The following G6PD variants were observed in gnomAD, a reference collection of about 807,000 sequenced individuals.
G6PD encodes glucose-6-phosphate dehydrogenase.
In G6PD, 2 loss-of-function variants were observed where a neutral mutation model predicts 38.2. The ratio of observed to expected loss-of-function variants is 0.05; its 90% CI spans 0.02 to 0.16. The LOEUF (loss-of-function observed/expected upper bound fraction) is 0.16, where lower values mean the gene tolerates loss of function less well. Among genes scored for constraint, G6PD ranks in the 10% least tolerant of loss-of-function variants. The pLI is 1.00. For synonymous variants in G6PD, 188 were observed against 196.0 expected (o/e 0.96, Z 0.34); for missense variants, 310 against 471.6 (o/e 0.66, Z 3.17).
intron 2 of G6PD, among the ~76,000 whole-genome samples, chrX:154,538,308 T>TA (rs1277024967): frequency 1.1e-4 from 12 of 110,445 alleles, no homozygotes; most frequent in African/African-American, 1.6e-4. Context: ...CCTGTCTCTT[T>TA]AAAAAAAAAG....
Position 154,531,890 on chromosome X carries a change from G to A in G6PD, c.*110C>T, listed in dbSNP as rs1257665712. ...GGGCGGGCCAGGGTGGCCAGAGCCCGGGGCCAGGAATGTGCAGCTGAGGTC... is the reference window on the plus strand; with the variant it reads ...GGGCGGGCCAGGGTGGCCAGAGCCCAGGGCCAGGAATGTGCAGCTGAGGTC... On this transcript the variant is annotated 3_prime_UTR_variant, in exon 13 of 13. Coordinates refer to ENST00000393562, the MANE Select transcript of G6PD (RefSeq NM_001360016.2). The A allele has an allele frequency of 7.1e-6, 8 of 1,119,386 alleles. No homozygotes were observed. In the Admixed American group the frequency reaches 8.1e-5, roughly 11 times the overall value. 92.2% of individuals were successfully genotyped at this position (1,119,386 alleles called of 1,213,427 possible).
chrX:154,536,225 G>A (rs782262186), intron 2 of G6PD, 47 bp from the exon 3 acceptor site: 8 of 1,138,341 alleles, frequency 7.0e-6, no homozygotes, highest in Admixed American at 2.2e-5. Flanking sequence ...CTGGGGACAC[G>A]ACCTACATAC....
rs1557230573 is a variant in G6PD, at chrX:154,535,205, C to T, written c.448G>A (p.Val150Ile). 4 of 1,211,348 alleles carry T rather than the reference C, an allele frequency of 3.3e-6. No individual in the cohort carries two copies. The highest frequency in any genetic ancestry group is 1.7e-5 in the African/African-American group (1 of 57,779). The change falls in exon 5 of 13, where the codon GTC becomes ATC. Residue 150 changes from valine to isoleucine, a missense_variant. Transcript: ENST00000393562. ...LALPPTVYEA[V>I]TKNIHESCMS... ...CAGGACTCGTGAATGTTCTTGGTGA[C>T]GGCCTCGTAGACGGTCGGGGGCAAG...
At chrX:154,537,343 C>T (rs782263280) in intron 2 of G6PD, among the ~76,000 whole-genome samples, 5 of 110,691 alleles carry the variant, frequency 4.5e-5, no homozygotes, top group East Asian at 5.7e-4. Flanking sequence ...AACAGCTGGA[C>T]GCGGTGGCTC....
At chrX:154,546,631 G>A (rs782224016) in intron 1 of G6PD, among the ~76,000 whole-genome samples, 158 bp downstream of exon 1, 1 of 111,777 alleles carries the variant, frequency 8.9e-6, no homozygotes, top group Non-Finnish European at 1.9e-5. Flanking sequence ...GGTCTCAGGG[G>A]CTCAAGAGAG....
rs2070397909 is a variant in G6PD at position 154,535,487 on chromosome X, C to A, written c.268-102G>T. 3 of 766,750 alleles carry A rather than the reference C, an allele frequency of 3.9e-6. No homozygotes were observed. The South Asian group carries it at 6.8e-5, about 17-fold the overall frequency. 63.2% of individuals were successfully genotyped at this position (766,750 alleles called of 1,213,427 possible). A position where few individuals can be genotyped will look rare whatever the true frequency, so the allele number is the denominator to read the frequency against. ...GGAGTGGAGGGTCTTCCCTGGAGGT[C>A]CAGGGAGGGTGCCCTCAGAAGTCAG... On this transcript the variant is annotated intron_variant, in intron 4 of 12. Transcript: ENST00000393562.
In G6PD at chrX:154,531,941, GGGGTC is replaced by G; in HGVS notation, c.*54_*58del. The G allele has an allele frequency of 8.5e-7, 1 of 1,181,343 alleles. No individual in the cohort carries two copies. Among genetic ancestry groups the G allele is most frequent in the Non-Finnish European group, 1.1e-6 (1 of 879,495 alleles). On this transcript the variant is annotated 3_prime_UTR_variant, in exon 13 of 13. Coordinates refer to ENST00000393562, the MANE Select transcript of G6PD (RefSeq NM_001360016.2). ...AATGGTCCCGGAGTCCTCCCGACTC[GGGGTC>G]GGGCGGCGGGAAGGAGGGTGGCCGT...
chrX:154,535,030 C>A, intron 5 of G6PD, 138 bp downstream of exon 5: 2 of 633,306 alleles, frequency 3.2e-6, no homozygotes, highest in Non-Finnish European at 2.6e-6. Context: ...AACGCTGCCA[C>A]CTTGTGGTCC....
Position 154,533,569 on chromosome X carries a change from C to G in G6PD, c.864+7G>C, listed in dbSNP as rs782256985. 6 of 1,210,415 alleles carry G rather than the reference C, an allele frequency of 5.0e-6. No homozygotes were observed. Among genetic ancestry groups the G allele is most frequent in the Non-Finnish European group, 6.7e-6 (6 of 894,950 alleles). The stretch of plus-strand genomic sequence containing the variant: ...CATGCTCCTGGGGACTGGGGTGCAC[C>G]CCCTACCTTCTCATCACGGACGTCA... On this transcript the variant is annotated splice_region_variant and intron_variant, in intron 8 of 12. Coordinates refer to ENST00000393562, the MANE Select transcript of G6PD (RefSeq NM_001360016.2).
At chrX:154,535,896 G>T in intron 4 of G6PD, 41 bp downstream of exon 4, 1 of 1,108,060 alleles carries the variant, frequency 9.0e-7, no homozygotes. Context: ...GGCTGGTAGA[G>T]AGGGCAGAAC....
intron 8 of G6PD, 113 bp downstream of exon 8, chrX:154,533,463 T>C: frequency 1.0e-6 from 1 of 971,937 alleles, no homozygotes; most frequent in African/African-American, 1.9e-5. Context: ...TCAGAGGTGG[T>C]GACTTCTCCG....
chrX:154,532,084 G>T lies in G6PD; in HGVS notation c.1464C>A (p.Gly488=). ...TCATCAGCTCGTCTGCCTCCGTGGGGCCTCGGCTGGAGAGTGACGGGTGGA... is the reference window on the plus strand; with the variant it reads ...TCATCAGCTCGTCTGCCTCCGTGGGTCCTCGGCTGGAGAGTGACGGGTGGA... ...KPIPYIYGSR[G]PTEADELMKR... Residue 488 remains glycine, a synonymous_variant, in exon 13 of 13, where the codon GGC becomes GGA. Transcript: ENST00000393562. The T allele has an allele frequency of 1.7e-6, 2 of 1,208,669 alleles. No homozygotes were observed. Among genetic ancestry groups the T allele is most frequent in the Non-Finnish European group, 2.2e-6 (2 of 894,276 alleles).
rs1557229670 is a variant in G6PD, at chrX:154,532,628, G to A, written c.1226C>T (p.Pro409Leu). 1 of 1,212,369 alleles carries A rather than the reference G, an allele frequency of 8.2e-7. No homozygotes were observed. The highest frequency in any genetic ancestry group is 1.1e-6 in the Non-Finnish European group (1 of 895,646). Residue 409 changes from proline (P) to leucine (L), a missense_variant, in exon 10 of 13, where the codon CCG (proline) becomes CTG (leucine). This residue lies in a region of G6PD where 168 missense variants were observed against 309.2 expected (regional missense o/e 0.54). Coordinates refer to ENST00000393562, the MANE Select transcript of G6PD (RefSeq NM_001360016.2). ...CTCCTCGGGGTTGAAGAACATGCCC[G>A]GCTTCTTGGTCATCATCTTGGTGTA... ...AVYTKMMTKK[P>L]GMFFNPEESE...
chrX:154,542,237 G>C, intron 2 of G6PD: 1 of 991,551 alleles, frequency 1.0e-6, no homozygotes, highest in African/African-American at 1.9e-5. Context: ...CCATCATTGG[G>C]ATGCGTCCTG....
At chrX:154,545,664 G>A (rs989320171) in intron 2 of G6PD, 3 of 196,276 alleles carry the variant, frequency 1.5e-5, no homozygotes, top group African/African-American at 3.1e-5. Flanking sequence ...GTGAAACTCC[G>A]TCTCTACTAA....
At position 154,534,083 on chromosome X, in the gene G6PD, A is replaced by T; in HGVS notation, c.722T>A (p.Phe241Tyr). ...ATAGCCCCCGCGACCCTCAGTGCCA[A>T]AGGGCTCCTTGAAGGTGAGGATAAC... ...ACVILTFKEP[F>Y]GTEGRGGYFD... The change falls in exon 7 of 13, where the codon TTT becomes TAT. Residue 241 changes from phenylalanine (F) to tyrosine (Y), a missense_variant. Transcript: ENST00000393562. 2 of 1,211,749 alleles carry T rather than the reference A, an allele frequency of 1.7e-6. No homozygotes were observed. The highest frequency in any genetic ancestry group is 2.2e-6 in the Non-Finnish European group (2 of 895,382).
In G6PD at chrX:154,531,613, C is replaced by G. The variant is rs907361567; in HGVS notation, c.*387G>C. On this transcript the variant is annotated 3_prime_UTR_variant, in exon 13 of 13. Coordinates refer to ENST00000393562, the MANE Select transcript of G6PD (RefSeq NM_001360016.2). ...GGGCAAGGCCACAGGCAGATTCTCT[C>G]ACGTGGGTGCTCGCCCCTTTCCTCC... 4.0e-6 allele frequency: 1 copy of G among 252,170 alleles called. No homozygotes were observed. The allele number at this position is 252,170 out of a possible 1,213,427, so 20.8% of individuals were successfully genotyped here.
chrX:154,538,874 C>T (rs1308725858), intron 2 of G6PD, among the ~76,000 whole-genome samples: 4 of 107,202 alleles, frequency 3.7e-5, no homozygotes, highest in Non-Finnish European at 5.8e-5. Flanking sequence ...TGGAGTGAGC[C>T]GAGATCACAC....
rs2070368612 is a variant in G6PD, at chrX:154,533,590, C to T, written c.850G>A (p.Val284Ile). The change falls in exon 8 of 13, where the codon GTC becomes ATC. Residue 284 changes from valine (V) to isoleucine (I), a missense_variant. Coordinates refer to ENST00000393562, the MANE Select transcript of G6PD (RefSeq NM_001360016.2). ...GCACCCCCTACCTTCTCATCACGGA[C>T]GTCATCTGAGTTGGTGGAGGCGGGC... Reference protein sequence around the residue: ...EKPASTNSDDVRDEKVKVLKC... With the variant: ...EKPASTNSDDIRDEKVKVLKC... 1.7e-6 allele frequency: 2 copies of T among 1,210,886 alleles called. No individual in the cohort carries two copies. Among genetic ancestry groups the T allele is most frequent in the Non-Finnish European group, 2.2e-6 (2 of 895,302 alleles).
Sources: gnomAD v4.1 joint callset for allele counts (sites outside exome capture counted in the v4.1 genomes callset) on GRCh38, gnomAD v4.1.1 for gene constraint, gnomAD v4.1.1 regional missense constraint, MANE v1.5 for transcripts, NCBI Gene and HGNC (gene_info 2026-07-23, HGNC 2026-07-21) for gene names.